RBPJ: variants seen among roughly 807,000 people sequenced by gnomAD.
RBPJ encodes recombining binding protein suppressor of hairless.
RBPJ carries 9 observed loss-of-function variants against 67.8 expected under a neutral mutation model. The observed-to-expected ratio is 0.13, with a 90% CI of 0.08 to 0.23. RBPJ has a LOEUF of 0.23. Ranked by LOEUF, RBPJ falls within the 10% of genes least tolerant of loss-of-function variation. The pLI, the probability that RBPJ is intolerant of heterozygous loss-of-function variation, is 1.00. For missense variants in RBPJ, 305 were observed against 595.6 expected, an observed-to-expected ratio of 0.51 and a Z score of 5.08; for synonymous variants, 198 against 203.3, an observed-to-expected ratio of 0.97 and a Z score of 0.22.
the RBPJ span, among the ~76,000 whole-genome samples, chr4:26,157,112 C>CAAACAAAAAAAAAAAAAAAAAAA: frequency 1.5e-4 from 17 of 113,192 alleles, no homozygotes; most frequent in South Asian, 5.9e-4. Flanking sequence ...AACAAACAAA[C>CAAACAAAAAAAAAAAAAAAAAAA]AAACAAAAAA....
At chr4:26,227,006 C>T (rs1183363783) in intron 1 of RBPJ, among the ~76,000 whole-genome samples, 1 of 152,120 alleles carries the variant, frequency 6.6e-6, no homozygotes, top group Non-Finnish European at 1.5e-5. Context: ...GTAAGTGGCT[C>T]TTTTGTATGA....
chr4:26,270,437 G>GAAAGAAAGAAGGAAGA (rs757127437), intron 1 of RBPJ, among the ~76,000 whole-genome samples: 1 of 30,200 alleles, frequency 3.3e-5, no homozygotes, highest in Non-Finnish European at 9.8e-5. Flanking sequence ...AAGAAAGAAA[G>GAAAGAAAGAAGGAAGA]AAGAAAGAAA....
In RBPJ at chr4:26,332,843, C is replaced by T. The variant is rs143875327; in HGVS notation, c.20+11795C>T. On this transcript the variant is annotated intron_variant, in intron 1 of 10. Coordinates refer to ENST00000355476, the MANE Select transcript of RBPJ (RefSeq NM_015874.6). ...TGTATTTTTTGTAGAGACGGAGTCTCTCACTGTGATGCCCAGGCTGGTTTC... is the reference window on the plus strand; with the variant it reads ...TGTATTTTTTGTAGAGACGGAGTCTTTCACTGTGATGCCCAGGCTGGTTTC... Among the ~76,000 whole-genome samples, 427 of 152,276 alleles carry T rather than the reference C, an allele frequency of 2.8e-3. 7 individuals carry two copies. The highest frequency in any genetic ancestry group is 6.4e-3 in the East Asian group (33 of 5,182).
chr4:26,196,771 G>A (rs1198145856), intron 1 of RBPJ, among the ~76,000 whole-genome samples: 2 of 152,110 alleles, frequency 1.3e-5, no homozygotes, highest in East Asian at 1.9e-4. Flanking sequence ...CATTTGTTCC[G>A]GAGCTCCCCC....
chr4:26,399,851 G>T (rs1288484720), intron 2 of RBPJ, among the ~76,000 whole-genome samples: 1 of 151,942 alleles, frequency 6.6e-6, no homozygotes, highest in Non-Finnish European at 1.5e-5. Context: ...GCTAGTTTTT[G>T]TATTTTTTGT....
At chr4:26,136,215 G>A in the RBPJ span, among the ~76,000 whole-genome samples, 2 of 152,200 alleles carry the variant, frequency 1.3e-5, no homozygotes, top group East Asian at 3.8e-4. Flanking sequence ...TGAGATTTGG[G>A]TGGGGACACA....
chr4:26,194,673 T>G (rs563375415), intron 1 of RBPJ, among the ~76,000 whole-genome samples: 1 of 152,360 alleles, frequency 6.6e-6, no homozygotes, highest in Admixed American at 6.5e-5. Flanking sequence ...ACAGTTACCT[T>G]TGCATTTTGT....
At chr4:26,245,487 G>A (rs922717258) in intron 1 of RBPJ, among the ~76,000 whole-genome samples, 7 of 152,200 alleles carry the variant, frequency 4.6e-5, no homozygotes, top group South Asian at 2.1e-4. Flanking sequence ...GATTACAGGC[G>A]TGAGACACTG....
chr4:26,341,789 G>A (rs1055413123), intron 1 of RBPJ, among the ~76,000 whole-genome samples: 11 of 152,154 alleles, frequency 7.2e-5, no homozygotes, highest in African/African-American at 2.4e-4. Context: ...GAGGTCTGTT[G>A]TAAAAGGATG....
chr4:26,224,818 A>G (rs1719030559), intron 1 of RBPJ, among the ~76,000 whole-genome samples: 1 of 152,250 alleles, frequency 6.6e-6, no homozygotes, highest in African/African-American at 2.4e-5. Flanking sequence ...TTCCAGAAGC[A>G]GTCACAAGAT....
At chr4:26,315,144 C>CAAAAAAA (rs60940172), upstream of RBPJ, among the ~76,000 whole-genome samples, 10 of 10,348 alleles carry the variant, frequency 9.7e-4, no homozygotes, top group Non-Finnish European at 1.4e-3. Flanking sequence ...GTCTCTGTCT[C>CAAAAAAA]AAAAAAAAAA....
upstream of RBPJ, among the ~76,000 whole-genome samples, chr4:26,319,376 T>C (rs1722796666): frequency 6.6e-6 from 1 of 152,138 alleles, no homozygotes; most frequent in African/African-American, 2.4e-5. Context: ...GCGTGTTGTG[T>C]GCGAGACGCG....
chr4:26,267,283 A>G (rs1299214355), intron 1 of RBPJ, among the ~76,000 whole-genome samples: 1 of 152,192 alleles, frequency 6.6e-6, no homozygotes, highest in Non-Finnish European at 1.5e-5. Context: ...GCTTGACTAC[A>G]GTCCAGCCTC....
At chr4:26,352,657 C>G (rs953060843) in intron 1 of RBPJ, among the ~76,000 whole-genome samples, 2 of 152,212 alleles carry the variant, frequency 1.3e-5, no homozygotes, top group Non-Finnish European at 2.9e-5. Context: ...GAGCCCAGAT[C>G]GCACCATTGC....
At chr4:26,386,473 G>A (rs1418780116) in intron 2 of RBPJ, 82 bp downstream of exon 2, 2 of 916,632 alleles carry the variant, frequency 2.2e-6, no homozygotes, top group African/African-American at 1.7e-5. Flanking sequence ...ATATTAATAG[G>A]TACCCTTAAA....
intron 1 of RBPJ, among the ~76,000 whole-genome samples, chr4:26,185,034 C>T (rs1035318656): frequency 4.0e-5 from 6 of 151,328 alleles, no homozygotes; most frequent in African/African-American, 1.5e-4. Context: ...CCTAGCTACT[C>T]GGGAGGCTGA....
upstream of RBPJ, among the ~76,000 whole-genome samples, chr4:26,161,814 G>A (rs1295477212): frequency 1.3e-5 from 2 of 152,350 alleles, no homozygotes; most frequent in Admixed American, 6.5e-5. Context: ...TCCTGTGGTA[G>A]GGAGGAGGGG....
intron 1 of RBPJ, among the ~76,000 whole-genome samples, chr4:26,225,454 A>G (rs1361523746): frequency 6.6e-6 from 1 of 152,196 alleles, no homozygotes; most frequent in Non-Finnish European, 1.5e-5. Flanking sequence ...GGGGAAAGGG[A>G]GACGGATGAA....
At chr4:26,164,309 C>G (rs1577423124) in intron 1 of RBPJ, among the ~76,000 whole-genome samples, 1 of 152,192 alleles carries the variant, frequency 6.6e-6, no homozygotes, top group South Asian at 2.1e-4. Flanking sequence ...ATATACATTA[C>G]AATAGTATGT....
Sources: gnomAD v4.1 joint callset for allele counts (sites outside exome capture counted in the v4.1 genomes callset) on GRCh38, gnomAD v4.1.1 for gene constraint, MANE v1.5 for transcripts, NCBI Gene and HGNC (gene_info 2026-07-23, HGNC 2026-07-21) for gene names.